The following POU6F2 variants were observed in gnomAD, a reference collection of about 807,000 sequenced individuals.
The protein encoded by POU6F2 is POU class 6 homeobox 2.
Under a neutral mutation model 71.3 loss-of-function variants are expected in POU6F2, and 31 were observed. The observed-to-expected ratio is 0.43, with a 90% CI of 0.33 to 0.59. The LOEUF (loss-of-function observed/expected upper bound fraction) is 0.59. POU6F2 is among the 20% of genes least tolerant of loss of function. The probability of loss-of-function intolerance (pLI) is 0.04; values close to 1 mark genes in which losing one functional copy is unlikely to be tolerated. For missense variants in POU6F2, 783 were observed against 856.8 expected (o/e 0.91, Z 1.07); for synonymous variants, 347 against 355.7 (o/e 0.98, Z 0.27).
At position 39,264,944 on chromosome 7, in the gene POU6F2, T is replaced by C. The variant is rs139174905; in HGVS notation, c.598+57324T>C. On this transcript the variant is annotated intron_variant, in intron 4 of 9. Coordinates refer to ENST00000518318, the MANE Select transcript of POU6F2 (RefSeq NM_001370959.1). Reference sequence around the variant, plus strand: ...TGCAAATGTCTACACATCAAAAAAGTATTTGCTCTTATTGTCAGGCATGGT... The same window carrying C: ...TGCAAATGTCTACACATCAAAAAAGCATTTGCTCTTATTGTCAGGCATGGT... Among the ~76,000 whole-genome samples the C allele has an allele frequency of 3.1e-3, 472 of 152,144 alleles. 1 individual carries two copies. The highest frequency in any genetic ancestry group is 5.2e-3 in the Non-Finnish European group (353 of 67,996).
intron 1 of POU6F2, among the ~76,000 whole-genome samples, chr7:39,007,950 A>G (rs1297673170): frequency 6.6e-6 from 1 of 151,034 alleles, no homozygotes; most frequent in Non-Finnish European, 1.5e-5. Context: ...AGTTGGTTCC[A>G]AGTCTTTGCT....
chr7:39,057,488 A>G (rs1423752971), intron 1 of POU6F2, among the ~76,000 whole-genome samples: 2 of 152,056 alleles, frequency 1.3e-5, no homozygotes, highest in South Asian at 2.1e-4. Context: ...AAAGGATGTT[A>G]AATCGTTGTA....
intron 5 of POU6F2, among the ~76,000 whole-genome samples, chr7:39,389,012 T>C (rs1273955942): frequency 6.6e-6 from 1 of 152,192 alleles, no homozygotes; most frequent in Non-Finnish European, 1.5e-5. Flanking sequence ...TATTTTGATA[T>C]CTGTACACTT....
chr7:39,334,068 G>C (rs182598255), intron 4 of POU6F2, among the ~76,000 whole-genome samples: 1 of 152,202 alleles, frequency 6.6e-6, no homozygotes, highest in African/African-American at 2.4e-5. Flanking sequence ...AATGTGTAGG[G>C]ATGTTTTCAT....
chr7:39,111,864 T>C (rs1293777307), intron 2 of POU6F2, among the ~76,000 whole-genome samples: 1 of 152,082 alleles, frequency 6.6e-6, no homozygotes, highest in Non-Finnish European at 1.5e-5. Flanking sequence ...TTTTTTTTAA[T>C]GTTGGAGAAA....
At chr7:39,171,207 C>T (rs1019539774) in intron 2 of POU6F2, among the ~76,000 whole-genome samples, 2 of 151,864 alleles carry the variant, frequency 1.3e-5, no homozygotes, top group Admixed American at 6.6e-5. Context: ...CATCCCCCAA[C>T]AGGCCCTGGT....
intron 2 of POU6F2, among the ~76,000 whole-genome samples, chr7:39,114,452 G>C (rs11767080): frequency 0.38 from 58,001 of 151,884 alleles, 11,769 homozygotes; most frequent in East Asian, 0.69. Flanking sequence ...CCTCCAGCCC[G>C]CTGCTTTTCA....
chr7:39,078,748 A>C (rs1335624352), intron 1 of POU6F2, among the ~76,000 whole-genome samples: 2 of 152,204 alleles, frequency 1.3e-5, no homozygotes, highest in Admixed American at 1.3e-4. Flanking sequence ...CCAGAGGAAC[A>C]GATATGACCT....
At chr7:39,087,869 A>G (rs1028498399) in intron 2 of POU6F2, among the ~76,000 whole-genome samples, 4 of 152,156 alleles carry the variant, frequency 2.6e-5, no homozygotes, top group Admixed American at 6.5e-5. Flanking sequence ...GAACACTGTT[A>G]TAGATTTGTT....
intron 5 of POU6F2, among the ~76,000 whole-genome samples, chr7:39,362,375 CCCTT>C (rs1786407665): frequency 6.6e-6 from 1 of 151,836 alleles, no homozygotes; most frequent in Non-Finnish European, 1.5e-5. Flanking sequence ...CTGGAGAATC[CCCTT>C]GTTAGGACCC....
chr7:39,402,178 A>T (rs541552217), intron 5 of POU6F2, among the ~76,000 whole-genome samples: 1 of 152,310 alleles, frequency 6.6e-6, no homozygotes, highest in Admixed American at 6.5e-5. Context: ...TTCTTCCATC[A>T]TGTGATACTA....
At chr7:39,436,302 G>C (rs1788241076) in intron 7 of POU6F2, among the ~76,000 whole-genome samples, 2 of 152,042 alleles carry the variant, frequency 1.3e-5, no homozygotes, top group African/African-American at 4.8e-5. Context: ...ATTTCATTGA[G>C]CAGTGGTTTG....
intron 1 of POU6F2, among the ~76,000 whole-genome samples, chr7:39,069,070 C>T (rs561774181): frequency 1.3e-5 from 2 of 152,228 alleles, no homozygotes; most frequent in East Asian, 1.9e-4. Flanking sequence ...AGAACCTCTG[C>T]GACATTGCCC....
At chr7:39,140,383 C>T (rs191646646) in intron 2 of POU6F2, among the ~76,000 whole-genome samples, 2 of 152,240 alleles carry the variant, frequency 1.3e-5, no homozygotes, top group Admixed American at 1.3e-4. Context: ...ATCTAAGGAC[C>T]ACCTCAAACT....
chr7:39,122,874 A>G (rs893506542), intron 2 of POU6F2, among the ~76,000 whole-genome samples: 1 of 151,704 alleles, frequency 6.6e-6, no homozygotes, highest in African/African-American at 2.4e-5. Context: ...TGCCCAGCTA[A>G]TTTTTGTATT....
chr7:39,279,368 C>T (rs920727267), intron 4 of POU6F2, among the ~76,000 whole-genome samples: 16 of 152,204 alleles, frequency 1.1e-4, no homozygotes, highest in Non-Finnish European at 1.8e-4. Flanking sequence ...CAGTCCTTAC[C>T]TTTCTGAGCC....
chr7:39,377,075 A>G lies in POU6F2; in HGVS notation c.973-29525A>G, dbSNP rs1314229080. Among the ~76,000 whole-genome samples the G allele has an allele frequency of 3.4e-5, 5 of 148,302 alleles. 1 individual carries two copies. The highest frequency in any genetic ancestry group is 4.2e-4 in the South Asian group (2 of 4,782). On this transcript the variant is annotated intron_variant, in intron 5 of 9. Transcript: ENST00000518318. ...GTTTAATTTATATAATTATATTTAA[A>G]TTAGGTATTAAATAACTTAAATATT...
At chr7:39,183,489 A>C (rs4262244) in intron 2 of POU6F2, among the ~76,000 whole-genome samples, 62,793 of 151,936 alleles carry the variant, frequency 0.41, 13,440 homozygotes, top group East Asian at 0.75. Context: ...TATAAACAAC[A>C]AGATCTCTTG....
At chr7:39,277,395 C>T (rs971944035) in intron 4 of POU6F2, among the ~76,000 whole-genome samples, 9 of 152,040 alleles carry the variant, frequency 5.9e-5, no homozygotes, top group African/African-American at 1.9e-4. Flanking sequence ...CCAGCCCTTG[C>T]CCCCCTCCCT....
Sources: gnomAD v4.1 joint callset for allele counts (sites outside exome capture counted in the v4.1 genomes callset) on GRCh38, gnomAD v4.1.1 for gene constraint, MANE v1.5 for transcripts, NCBI Gene and HGNC (gene_info 2026-07-23, HGNC 2026-07-21) for gene names.